PLEKHA6: variants seen among roughly 807,000 people sequenced by gnomAD.
The protein encoded by PLEKHA6 is pleckstrin homology domain-containing family A member 6.
PLEKHA6 carries 60 observed loss-of-function variants against 116.7 expected under a neutral mutation model. The observed-to-expected ratio is 0.51, with a 90% confidence interval of 0.42 to 0.64. The LOEUF (loss-of-function observed/expected upper bound fraction) is 0.64, where lower values mean the gene tolerates loss of function less well. Ranked by LOEUF, PLEKHA6 falls within the 30% of genes least tolerant of loss-of-function variation. The pLI is 0.00. For synonymous variants in PLEKHA6, 489 were observed against 556.1 expected, an observed-to-expected ratio of 0.88 and a Z score of 1.70; for missense variants, 1,338 against 1,422.7, an observed-to-expected ratio of 0.94 and a Z score of 0.96.
chr1:204,263,494 G>A (rs2102807201), intron 6 of PLEKHA6, among the ~76,000 whole-genome samples: 1 of 152,248 alleles, frequency 6.6e-6, no homozygotes, highest in South Asian at 2.1e-4. Context: ...GCCACAATCA[G>A]AACCCTTTGT....
chr1:204,232,504 C>G lies in PLEKHA6; in HGVS notation c.2410-1918G>C, dbSNP rs77123269. The stretch of plus-strand genomic sequence containing the variant: ...AAGCCAGAAATAGAGATAGAGTTAT[C>G]TAGAATGGATACCCTTGAAATACAA... On this transcript the variant is annotated intron_variant, in intron 17 of 22. Coordinates refer to ENST00000272203, the MANE Select transcript of PLEKHA6 (RefSeq NM_014935.5). Among the ~76,000 whole-genome samples the G allele has an allele frequency of 4.7e-3, 720 of 152,184 alleles. 9 individuals are homozygous for G. The highest frequency in any genetic ancestry group is 0.017 in the African/African-American group (685 of 41,506).
chr1:204,265,424 A>G (rs1666680423), intron 5 of PLEKHA6, among the ~76,000 whole-genome samples: 1 of 152,198 alleles, frequency 6.6e-6, no homozygotes, highest in Non-Finnish European at 1.5e-5. Context: ...CAACAAACCT[A>G]TGAGGAGGTA....
intron 1 of PLEKHA6, among the ~76,000 whole-genome samples, chr1:204,336,954 C>T (rs564891578): frequency 1.3e-5 from 2 of 152,314 alleles, no homozygotes; most frequent in Admixed American, 1.3e-4. Flanking sequence ...GCCCCTGAGC[C>T]CTGCTGCTCC....
At chr1:204,233,746 G>T (rs1256883508) in intron 17 of PLEKHA6, among the ~76,000 whole-genome samples, 1 of 152,096 alleles carries the variant, frequency 6.6e-6, no homozygotes, top group Non-Finnish European at 1.5e-5. Context: ...ACTGCACCTG[G>T]CCAATTAATT....
At chr1:204,251,974 A>T (rs1664634657) in intron 9 of PLEKHA6, among the ~76,000 whole-genome samples, 1 of 152,084 alleles carries the variant, frequency 6.6e-6, no homozygotes. Context: ...AAGACCATAG[A>T]GGCAGTTGGA....
chr1:204,355,193 C>T (rs1241192934), intron 1 of PLEKHA6, among the ~76,000 whole-genome samples: 2 of 152,236 alleles, frequency 1.3e-5, no homozygotes, highest in Non-Finnish European at 2.9e-5. Flanking sequence ...CTATGTTTCT[C>T]ATGCAAATCA....
At chr1:204,306,675 A>G (rs1671339286) in intron 1 of PLEKHA6, among the ~76,000 whole-genome samples, 1 of 152,248 alleles carries the variant, frequency 6.6e-6, no homozygotes, top group African/African-American at 2.4e-5. Context: ...GGACATAAAG[A>G]TAACAACAGT....
intron 15 of PLEKHA6, among the ~76,000 whole-genome samples, 199 bp from the exon 16 acceptor site, chr1:204,242,013 A>T (rs1036257673): frequency 6.6e-6 from 1 of 152,232 alleles, no homozygotes; most frequent in African/African-American, 2.4e-5. Context: ...AGACTGGTCA[A>T]TGATGGGCCA....
chr1:204,345,439 C>G (rs1025185740), intron 1 of PLEKHA6, among the ~76,000 whole-genome samples: 1 of 152,080 alleles, frequency 6.6e-6, no homozygotes, highest in Non-Finnish European at 1.5e-5. Flanking sequence ...TGGCCCCACT[C>G]CCTTCGAGGT....
At chr1:204,303,718 C>A (rs150279949) in intron 1 of PLEKHA6, among the ~76,000 whole-genome samples, 1 of 151,968 alleles carries the variant, frequency 6.6e-6, no homozygotes, top group Admixed American at 6.6e-5. Flanking sequence ...TTTTGGGGTA[C>A]GGGGGTGGTG....
chr1:204,253,980 GA>G (rs1291938161), intron 9 of PLEKHA6, among the ~76,000 whole-genome samples: 2 of 152,244 alleles, frequency 1.3e-5, no homozygotes, highest in South Asian at 2.1e-4. Flanking sequence ...AAGCCCGCAG[GA>G]AGGGACCCTG....
At chr1:204,224,290 G>A (rs993562239) in intron 21 of PLEKHA6, among the ~76,000 whole-genome samples, 2 of 151,906 alleles carry the variant, frequency 1.3e-5, no homozygotes, top group Non-Finnish European at 2.9e-5. Context: ...CAAAGTGGAA[G>A]GACAATGAGA....
rs1201285162 is a variant in PLEKHA6, at chr1:204,313,564, C to T, written c.-94-38755G>A. On this transcript the variant is annotated intron_variant, in intron 1 of 22. Transcript: ENST00000272203. The stretch of plus-strand genomic sequence containing the variant: ...AAAGAAGCTGACCTTGAGGCTACTG[C>T]TTCTCTTCTCAGTCCCTGGGGAGAA... 4 of 984,822 alleles carry T rather than the reference C, an allele frequency of 4.1e-6. No individual in the cohort carries two copies. In the African/African-American group the frequency reaches 5.3e-5, roughly 13 times the overall value. 61.0% of individuals were successfully genotyped at this position (984,822 alleles called of 1,614,324 possible). A position where few individuals can be genotyped will look rare whatever the true frequency, so the allele number is the denominator to read the frequency against.
chr1:204,367,295 C>T (rs762853168), intron 3 of PLEKHA6, among the ~76,000 whole-genome samples: 2 of 152,228 alleles, frequency 1.3e-5, no homozygotes, highest in African/African-American at 2.4e-5. Flanking sequence ...AGGGCATCTC[C>T]GCCCACACAA....
intron 1 of PLEKHA6, chr1:204,313,853 G>A: frequency 4.6e-6 from 1 of 216,994 alleles, no homozygotes; most frequent in Non-Finnish European, 7.9e-6. Context: ...TCCTCTTACA[G>A]GCAGCTCCCT....
At chr1:204,262,445 T>C (rs1275772068) in intron 6 of PLEKHA6, among the ~76,000 whole-genome samples, 1 of 152,178 alleles carries the variant, frequency 6.6e-6, no homozygotes, top group South Asian at 2.1e-4. Flanking sequence ...ACTAAATGCT[T>C]TCTGGGACCT....
At chr1:204,317,855 ATCTT>A (rs1671918284) in intron 1 of PLEKHA6, among the ~76,000 whole-genome samples, 2 of 152,348 alleles carry the variant, frequency 1.3e-5, no homozygotes, top group East Asian at 3.9e-4. Context: ...CAGCCACTTA[ATCTT>A]TCTATGCTTC....
chr1:204,255,341 C>T (rs1363745720), intron 9 of PLEKHA6, among the ~76,000 whole-genome samples: 1 of 152,174 alleles, frequency 6.6e-6, no homozygotes, highest in Non-Finnish European at 1.5e-5. Flanking sequence ...CCACCTGCCC[C>T]CTGGGGGCAG....
chr1:204,363,663 G>T (rs1208920055), upstream of PLEKHA6, among the ~76,000 whole-genome samples: 1 of 152,138 alleles, frequency 6.6e-6, no homozygotes, highest in Non-Finnish European at 1.5e-5. Flanking sequence ...AGGAATGGGT[G>T]TTACATAGCT....
Sources: allele counts gnomAD v4.1 joint callset (sites outside exome capture counted in the v4.1 genomes callset), GRCh38; gene constraint gnomAD v4.1.1; transcripts MANE v1.5; gene names NCBI Gene and HGNC (gene_info 2026-07-23, HGNC 2026-07-21).